Variants in EIPR1 observed in about 807,000 individuals in gnomAD.
The protein encoded by EIPR1 is EARP complex and GARP complex interacting protein 1.
A neutral mutation model predicts 48.1 loss-of-function variants in EIPR1; 25 were observed. The ratio of observed to expected loss-of-function variants is 0.52; its 90% CI spans 0.38 to 0.73. The LOEUF is 0.73. Ranked by LOEUF, EIPR1 falls within the 30% of genes least tolerant of loss-of-function variation. The probability of loss-of-function intolerance (pLI) is 0.00; values close to 1 mark genes in which losing one functional copy is unlikely to be tolerated. For missense variants in EIPR1, 415 were observed against 506.2 expected, an observed-to-expected ratio of 0.82 and a Z score of 1.73; for synonymous variants, 204 against 201.9, an observed-to-expected ratio of 1.01 and a Z score of -0.09.
intron 3 of EIPR1, among the ~76,000 whole-genome samples, chr2:3,332,600 A>T (rs749739968): frequency 6.6e-6 from 1 of 152,190 alleles, no homozygotes; most frequent in Non-Finnish European, 1.5e-5. Flanking sequence ...TACTGTTGAG[A>T]TCTCTCCTGT....
At chr2:3,310,236 T>C (rs1478827974) in intron 3 of EIPR1, among the ~76,000 whole-genome samples, 4 of 152,208 alleles carry the variant, frequency 2.6e-5, no homozygotes, top group Non-Finnish European at 5.9e-5. Flanking sequence ...CTATCCGTTC[T>C]GAAGACGACA....
intron 4 of EIPR1, among the ~76,000 whole-genome samples, chr2:3,234,709 A>G (rs1005357270): frequency 1.3e-5 from 2 of 152,274 alleles, no homozygotes; most frequent in African/African-American, 4.8e-5. Flanking sequence ...GGCAGCATTC[A>G]CAAAACTGAG....
At chr2:3,350,938 T>C (rs1032307629) in intron 2 of EIPR1, among the ~76,000 whole-genome samples, 6 of 101,982 alleles carry the variant, frequency 5.9e-5, no homozygotes, top group Non-Finnish European at 9.8e-5. Flanking sequence ...TGAATGTTAC[T>C]TCGTTCCAAA....
chr2:3,295,543 C>T, intron 3 of EIPR1, among the ~76,000 whole-genome samples: 1 of 141,108 alleles, frequency 7.1e-6, no homozygotes, highest in Non-Finnish European at 1.5e-5. Flanking sequence ...CACACACACC[C>T]TCCATCCAGC....
chr2:3,325,758 G>T (rs1444279247), intron 3 of EIPR1, among the ~76,000 whole-genome samples: 2 of 152,198 alleles, frequency 1.3e-5, no homozygotes, highest in African/African-American at 4.8e-5. Context: ...ATTCTACTTT[G>T]TAACATATCT....
chr2:3,257,192 C>T (rs186680239), intron 4 of EIPR1, 107 bp downstream of exon 4: 14 of 1,226,316 alleles, frequency 1.1e-5, no homozygotes, highest in Middle Eastern at 2.7e-4. Context: ...AAGAAAGGAG[C>T]GTTTCCGAGG....
At chr2:3,289,393 A>G (rs904559126) in intron 3 of EIPR1, among the ~76,000 whole-genome samples, 2 of 152,176 alleles carry the variant, frequency 1.3e-5, no homozygotes, top group African/African-American at 4.8e-5. Flanking sequence ...AATGCCTACA[A>G]AAATGACAGA....
At chr2:3,269,426 T>TCAC (rs760452692) in intron 3 of EIPR1, among the ~76,000 whole-genome samples, 950 of 59,028 alleles carry the variant, frequency 0.016, 174 homozygotes, top group Admixed American at 0.025. Flanking sequence ...CACTCAATCA[T>TCAC]CACACTCAAT....
intron 3 of EIPR1, among the ~76,000 whole-genome samples, chr2:3,270,336 C>T (rs771778929): frequency 7.9e-5 from 12 of 152,182 alleles, no homozygotes; most frequent in South Asian, 2.1e-4. Context: ...GGTGTGTCAG[C>T]GTGTGCCAGT....
rs951439293 is a variant in EIPR1 at position 3,286,243 on chromosome 2, G to C, written c.260-28788C>G. The stretch of plus-strand genomic sequence containing the variant: ...TTTTTATGCTAATAAAAAAAAATAG[G>C]TTGGCCTCATTTACAAACCCAGGGT... On this transcript the variant is annotated intron_variant, in intron 3 of 8. Transcript: ENST00000382125. The surrounding 1 kb of genome is among the most constrained non-coding windows in gnomAD (Gnocchi z 4.2). Among the ~76,000 whole-genome samples, 1 of 152,206 alleles carries C rather than the reference G, an allele frequency of 6.6e-6. No individual in the cohort carries two copies. Among genetic ancestry groups the C allele is most frequent in the Non-Finnish European group, 1.5e-5 (1 of 68,042 alleles).
chr2:3,285,068 C>T (rs1291155228), intron 3 of EIPR1, among the ~76,000 whole-genome samples: 1 of 152,200 alleles, frequency 6.6e-6, no homozygotes, highest in Admixed American at 6.5e-5. Context: ...ACACGTCAGA[C>T]CACCATGGAA....
chr2:3,342,144 T>C (rs1053965769), intron 2 of EIPR1, among the ~76,000 whole-genome samples: 1 of 152,018 alleles, frequency 6.6e-6, no homozygotes, highest in Non-Finnish European at 1.5e-5. Context: ...AAAGAATAAA[T>C]GAACAAAAAA....
At chr2:3,324,942 G>A (rs982263610) in intron 3 of EIPR1, among the ~76,000 whole-genome samples, 1 of 152,238 alleles carries the variant, frequency 6.6e-6, no homozygotes, top group African/African-American at 2.4e-5. Context: ...GCGCTTCCAG[G>A]TTCCCACAAT....
intron 4 of EIPR1, among the ~76,000 whole-genome samples, chr2:3,231,604 T>C (rs1003200195): frequency 3.9e-5 from 6 of 152,218 alleles, no homozygotes; most frequent in Admixed American, 2.0e-4. Flanking sequence ...GCTTGTATGG[T>C]TTTTGTCTAT....
At chr2:3,321,769 G>A (rs1669537123) in intron 3 of EIPR1, among the ~76,000 whole-genome samples, 1 of 152,148 alleles carries the variant, frequency 6.6e-6, no homozygotes, top group South Asian at 2.1e-4. Flanking sequence ...AGAAATCTCA[G>A]GAACCCTCTA....
chr2:3,246,882 AGGGAGGGAG>A (rs1666827334), intron 4 of EIPR1, among the ~76,000 whole-genome samples: 1 of 55,744 alleles, frequency 1.8e-5, no homozygotes, highest in Non-Finnish European at 3.5e-5. Flanking sequence ...GGAGGGAGGG[AGGGAGGGAG>A]GGAGGGAAGG....
intron 4 of EIPR1, among the ~76,000 whole-genome samples, chr2:3,249,652 G>C (rs1666945519): frequency 6.6e-6 from 1 of 152,160 alleles, no homozygotes; most frequent in African/African-American, 2.4e-5. Context: ...AGCACTAATA[G>C]TCAAGACAAT....
intron 3 of EIPR1, among the ~76,000 whole-genome samples, chr2:3,269,625 GCACTCAATCATCACACTCAATCATCA>G (rs1200720064): frequency 8.3e-6 from 1 of 121,162 alleles, no homozygotes; most frequent in Non-Finnish European, 1.8e-5. Context: ...CACAATCATC[GCACTCAATCATCACACTCAATCATCA>G]CACTCAATCA....
intron 3 of EIPR1, among the ~76,000 whole-genome samples, chr2:3,332,537 T>C (rs1669932911): frequency 6.6e-6 from 1 of 152,220 alleles, no homozygotes; most frequent in South Asian, 2.1e-4. Context: ...GCCTGCCACC[T>C]GCCACCATCC....
Sources: gnomAD v4.1 joint callset for allele counts (sites outside exome capture counted in the v4.1 genomes callset) on GRCh38, gnomAD v4.1.1 for gene constraint, Gnocchi (gnomAD v3.1) non-coding constraint, MANE v1.5 for transcripts, NCBI Gene and HGNC (gene_info 2026-07-23, HGNC 2026-07-21) for gene names.